Variants in ANKRD55 observed in about 807,000 individuals in gnomAD.
ANKRD55 encodes ankyrin repeat domain-containing protein 55.
In ANKRD55, 41 loss-of-function variants were observed where a neutral mutation model predicts 60.6. The observed-to-expected ratio is 0.68, with a 90% CI of 0.53 to 0.88. The LOEUF (loss-of-function observed/expected upper bound fraction) is 0.88, where lower values mean the gene tolerates loss of function less well. Among genes scored for constraint, ANKRD55 ranks in the 40% least tolerant of loss-of-function variants. The pLI is 0.00. For synonymous variants in ANKRD55, 264 were observed against 290.3 expected, an observed-to-expected ratio of 0.91 and a Z score of 0.92; for missense variants, 732 against 767.6, an observed-to-expected ratio of 0.95 and a Z score of 0.55.
intron 2 of ANKRD55, among the ~76,000 whole-genome samples, chr5:56,199,542 T>C (rs867108199): frequency 2.8e-4 from 42 of 151,952 alleles, no homozygotes; most frequent in Admixed American, 2.0e-4. Context: ...TTTTAAACAG[T>C]TGATTTAAAT....
rs1344180191 is a variant in ANKRD55, at chr5:56,100,046, ATTTCG to A, written c.*132_*136del. 21 of 1,159,302 alleles carry A rather than the reference ATTTCG, an allele frequency of 1.8e-5. No individual in the cohort carries two copies. In the Admixed American group the frequency reaches 4.3e-4, roughly 24 times the overall value. The allele number at this position is 1,159,302 out of a possible 1,614,324, so 71.8% of individuals were successfully genotyped here. ...GGAGTATCTTTATTTGGAATAAAGA[ATTTCG>A]AGTTATAAAACTGATGGCTTATAGA... is the stretch of plus-strand genomic sequence containing the variant. On this transcript the variant is annotated 3_prime_UTR_variant, in exon 12 of 12. Coordinates refer to ENST00000341048, the MANE Select transcript of ANKRD55 (RefSeq NM_024669.3).
chr5:56,223,946 A>C (rs1760038100), intron 2 of ANKRD55, among the ~76,000 whole-genome samples: 1 of 152,208 alleles, frequency 6.6e-6, no homozygotes, highest in South Asian at 2.1e-4. Flanking sequence ...AAAGTTTACA[A>C]GGATATCCAG....
chr5:56,154,710 T>C (rs990830846), intron 6 of ANKRD55, among the ~76,000 whole-genome samples: 1 of 149,998 alleles, frequency 6.7e-6, no homozygotes, highest in Non-Finnish European at 1.5e-5. Flanking sequence ...TGCCTCAGCC[T>C]CTGGAGTAGC....
At chr5:56,224,056 A>G (rs1219423480) in intron 2 of ANKRD55, among the ~76,000 whole-genome samples, 1 of 152,222 alleles carries the variant, frequency 6.6e-6, no homozygotes, top group Non-Finnish European at 1.5e-5. Flanking sequence ...ACCACACCGC[A>G]CTTATTCCAA....
chr5:56,123,105 T>C (rs939040176), intron 8 of ANKRD55, among the ~76,000 whole-genome samples: 1 of 152,038 alleles, frequency 6.6e-6, no homozygotes, highest in African/African-American at 2.4e-5. Flanking sequence ...ACTATCCCTC[T>C]GGTAAGTCAC....
intron 10 of ANKRD55, among the ~76,000 whole-genome samples, chr5:56,106,652 G>A (rs1000153360): frequency 4.0e-5 from 6 of 151,858 alleles, no homozygotes; most frequent in African/African-American, 1.5e-4. Context: ...GGCTGGTCTC[G>A]AACTCCTGAC....
At chr5:56,210,424 C>CAT (rs1561293860) in intron 2 of ANKRD55, among the ~76,000 whole-genome samples, 5 of 151,476 alleles carry the variant, frequency 3.3e-5, no homozygotes, top group Non-Finnish European at 7.4e-5. Flanking sequence ...TAGCCGGGTG[C>CAT]GGTGGCGGGC....
chr5:56,200,652 T>G (rs1759341996), intron 2 of ANKRD55, among the ~76,000 whole-genome samples: 1 of 152,182 alleles, frequency 6.6e-6, no homozygotes, highest in Non-Finnish European at 1.5e-5. Flanking sequence ...CTGCATCGGT[T>G]ACTGGGCCCA....
At chr5:56,140,937 C>T (rs140401619) in intron 7 of ANKRD55, among the ~76,000 whole-genome samples, 14 of 152,064 alleles carry the variant, frequency 9.2e-5, no homozygotes, top group Non-Finnish European at 1.8e-4. Context: ...GTGGTGTGTG[C>T]CTGTAATTCC....
intron 7 of ANKRD55, among the ~76,000 whole-genome samples, chr5:56,130,094 G>A (rs955442362): frequency 6.6e-6 from 1 of 152,186 alleles, no homozygotes; most frequent in African/African-American, 2.4e-5. Flanking sequence ...CTTTTAGTTG[G>A]CCTGGACTCC....
chr5:56,219,373 G>T (rs1270817093), intron 2 of ANKRD55, among the ~76,000 whole-genome samples: 1 of 151,720 alleles, frequency 6.6e-6, no homozygotes, highest in African/African-American at 2.4e-5. Context: ...AGAAATGGAA[G>T]TACTTTCCAC....
chr5:56,163,574 C>G (rs1758382498), intron 5 of ANKRD55, among the ~76,000 whole-genome samples: 1 of 152,180 alleles, frequency 6.6e-6, no homozygotes, highest in Non-Finnish European at 1.5e-5. Flanking sequence ...CAGTCCCAGA[C>G]AGGTGGTGTG....
intron 7 of ANKRD55, among the ~76,000 whole-genome samples, chr5:56,129,309 G>T (rs1757350947): frequency 6.6e-6 from 1 of 152,190 alleles, no homozygotes; most frequent in Non-Finnish European, 1.5e-5. Context: ...AATAGGGAAA[G>T]AAACAGTATT....
intron 4 of ANKRD55, among the ~76,000 whole-genome samples, chr5:56,171,456 G>A (rs987647144): frequency 1.3e-5 from 2 of 152,000 alleles, no homozygotes; most frequent in South Asian, 2.1e-4. Flanking sequence ...TCTCCTCCTC[G>A]GTCAACATTT....
At chr5:56,176,839 T>C (rs369358387) in intron 3 of ANKRD55, among the ~76,000 whole-genome samples, 10 of 152,190 alleles carry the variant, frequency 6.6e-5, no homozygotes, top group African/African-American at 2.4e-4. Context: ...AAAATAGAGA[T>C]GAAATTACAC....
At chr5:56,113,986 C>CTATATATATATATATATA (rs3055156) in intron 9 of ANKRD55, among the ~76,000 whole-genome samples, 2 of 139,170 alleles carry the variant, frequency 1.4e-5, no homozygotes, top group Non-Finnish European at 3.1e-5. Flanking sequence ...AATATGTATA[C>CTATATATATATATATATA]TATATATATA....
chr5:56,183,705 C>T (rs1011450707), intron 2 of ANKRD55, 71 bp from the exon 3 acceptor site: 94 of 1,579,146 alleles, frequency 6.0e-5, no homozygotes, highest in Non-Finnish European at 7.3e-5. Flanking sequence ...ATACCCAAGT[C>T]GTCACCCACA....
rs149476005 is a variant in ANKRD55 at position 56,209,285 on chromosome 5, C to T, written c.58+23571G>A. 4.8e-3 allele frequency among the ~76,000 whole-genome samples: 723 copies of T among 152,068 alleles called. 3 individuals are homozygous for T. The highest frequency in any genetic ancestry group is 0.044 in the Middle Eastern group (13 of 294). ...TAATATTAGATTATAAACATTTACC[C>T]ATGTCATAAGATAAAATTTGAAAAT... is the stretch of plus-strand genomic sequence containing the variant. On this transcript the variant is annotated intron_variant, in intron 2 of 11. Coordinates refer to ENST00000341048, the MANE Select transcript of ANKRD55 (RefSeq NM_024669.3).
At chr5:56,131,163 A>G (rs1367430609) in intron 7 of ANKRD55, among the ~76,000 whole-genome samples, 1 of 152,010 alleles carries the variant, frequency 6.6e-6, no homozygotes, top group Admixed American at 6.5e-5. Flanking sequence ...AACAACAAAA[A>G]AAAACAACAA....
Sources: allele counts gnomAD v4.1 joint callset (sites outside exome capture counted in the v4.1 genomes callset), GRCh38; gene constraint gnomAD v4.1.1; transcripts MANE v1.5; gene names NCBI Gene and HGNC (gene_info 2026-07-23, HGNC 2026-07-21).